The following SKAP2 variants were observed in gnomAD, a reference collection of about 807,000 sequenced individuals.
SKAP2 encodes src kinase associated phosphoprotein 2, also known as src kinase-associated phosphoprotein 2.
SKAP2 carries 28 observed loss-of-function variants against 54.9 expected under a neutral mutation model. The ratio of observed to expected loss-of-function variants is 0.51; its 90% CI spans 0.38 to 0.70. The LOEUF is 0.70. Among genes scored for constraint, SKAP2 ranks in the 30% least tolerant of loss-of-function variants. SKAP2 has a pLI of 0.00. For missense variants in SKAP2, 356 were observed against 424.1 expected (o/e 0.84, Z 1.41); for synonymous variants, 137 against 134.3 (o/e 1.02, Z -0.14).
intron 11 of SKAP2, 24 bp downstream of exon 11, chr7:26,684,712 C>T (rs757218174): frequency 1.1e-5 from 16 of 1,452,872 alleles, no homozygotes; most frequent in South Asian, 9.2e-5. Context: ...TCTTTACAAA[C>T]GTCATTTTGG....
chr7:26,657,766 A>G, the SKAP2 span, among the ~76,000 whole-genome samples: 1 of 117,636 alleles, frequency 8.5e-6, no homozygotes, highest in Non-Finnish European at 1.7e-5. Flanking sequence ...GCACTGACAC[A>G]CACTTTGCCA....
intron 9 of SKAP2, among the ~76,000 whole-genome samples, chr7:26,720,081 C>CAA (rs1247280079): frequency 2.6e-5 from 4 of 151,670 alleles, no homozygotes; most frequent in African/African-American, 9.7e-5. Context: ...CACACACACA[C>CAA]ACACACACAC....
At chr7:26,692,009 G>A (rs1786794669) in intron 9 of SKAP2, among the ~76,000 whole-genome samples, 1 of 152,092 alleles carries the variant, frequency 6.6e-6, no homozygotes, top group Non-Finnish European at 1.5e-5. Context: ...CTGAAGCTAT[G>A]CTTCAGGAAT....
chr7:26,739,550 C>T (rs1283459927), intron 5 of SKAP2, among the ~76,000 whole-genome samples: 1 of 152,186 alleles, frequency 6.6e-6, no homozygotes, highest in Non-Finnish European at 1.5e-5. Context: ...CATAGGAGAA[C>T]CTGCTGCTCA....
chr7:26,832,942 G>C (rs939295862), intron 4 of SKAP2, among the ~76,000 whole-genome samples: 2 of 152,128 alleles, frequency 1.3e-5, no homozygotes, highest in African/African-American at 4.8e-5. Context: ...AAAGCAGCTG[G>C]CAGTAAAGGC....
chr7:26,691,907 AGG>A (rs201980270), intron 9 of SKAP2, among the ~76,000 whole-genome samples: 1,630 of 152,272 alleles, frequency 0.011, 29 homozygotes, highest in African/African-American at 0.038. Flanking sequence ...CCAGCTGTTG[AGG>A]GGCCATGAAC....
intron 9 of SKAP2, among the ~76,000 whole-genome samples, chr7:26,704,164 T>C (rs1217153081): frequency 6.6e-6 from 1 of 152,212 alleles, no homozygotes; most frequent in Non-Finnish European, 1.5e-5. Flanking sequence ...TAGTGTACAC[T>C]GCTGAAAAAA....
rs1786153853 is a variant in SKAP2 at position 26,668,390 on chromosome 7, T to TA, written c.*1275_*1276insT. 1 of 152,164 alleles carries TA rather than the reference T, an allele frequency of 6.6e-6. No individual in the cohort carries two copies. The highest frequency in any genetic ancestry group is 1.5e-5 in the Non-Finnish European group (1 of 68,026). 9.4% of individuals were successfully genotyped at this position (152,164 alleles called of 1,614,324 possible). The stretch of plus-strand genomic sequence containing the variant: ...ATTTCAAATATACATGAAAAGGTAA[T>TA]TATATGATTCTACAAATCTTGCTCA... On this transcript the variant is annotated 3_prime_UTR_variant, in exon 13 of 13. Coordinates refer to ENST00000345317, the MANE Select transcript of SKAP2 (RefSeq NM_003930.5).
chr7:26,845,144 G>A (rs1398450595), intron 3 of SKAP2, among the ~76,000 whole-genome samples: 1 of 152,078 alleles, frequency 6.6e-6, no homozygotes, highest in African/African-American at 2.4e-5. Context: ...TAAAGCACAA[G>A]GAAAATCCCC....
At chr7:26,785,443 C>A (rs1783525072) in intron 4 of SKAP2, among the ~76,000 whole-genome samples, 1 of 152,168 alleles carries the variant, frequency 6.6e-6, no homozygotes, top group Non-Finnish European at 1.5e-5. Context: ...GCCTCGGCCT[C>A]CCAAAGTGCT....
At chr7:26,754,462 CA>C (rs1782748159) in intron 4 of SKAP2, among the ~76,000 whole-genome samples, 1 of 150,402 alleles carries the variant, frequency 6.6e-6, no homozygotes, top group African/African-American at 2.4e-5. Flanking sequence ...AGCAAGACAT[CA>C]AAAGGCAATT....
chr7:26,793,022 G>T (rs956014850), intron 4 of SKAP2, among the ~76,000 whole-genome samples: 4 of 152,074 alleles, frequency 2.6e-5, no homozygotes, highest in African/African-American at 7.2e-5. Context: ...TTTAAGAAAC[G>T]AATTCTTTTC....
chr7:26,698,475 G>A (rs1786946503), intron 9 of SKAP2, among the ~76,000 whole-genome samples: 1 of 152,170 alleles, frequency 6.6e-6, no homozygotes, highest in Admixed American at 6.6e-5. Flanking sequence ...AACTTAGACT[G>A]CCCTGCACTG....
chr7:26,725,727 AT>A (rs1787691813), intron 8 of SKAP2, among the ~76,000 whole-genome samples, 162 bp from the exon 9 acceptor site: 1 of 152,186 alleles, frequency 6.6e-6, no homozygotes, highest in African/African-American at 2.4e-5. Flanking sequence ...AAATATGTGA[AT>A]TTTAAAGTAA....
chr7:26,761,610 T>C (rs1270734101), intron 4 of SKAP2, among the ~76,000 whole-genome samples: 5 of 152,290 alleles, frequency 3.3e-5, no homozygotes, highest in African/African-American at 1.2e-4. Context: ...TAGGGCAATA[T>C]TATAGGCGAG....
intron 4 of SKAP2, among the ~76,000 whole-genome samples, chr7:26,819,013 G>A (rs566063617): frequency 2.4e-4 from 37 of 152,266 alleles, no homozygotes; most frequent in Admixed American, 1.2e-3. Flanking sequence ...AGACAGTATG[G>A]CAATTCCTCA....
intron 4 of SKAP2, among the ~76,000 whole-genome samples, chr7:26,741,499 A>G (rs889429891): frequency 1.3e-5 from 2 of 152,008 alleles, no homozygotes; most frequent in Non-Finnish European, 2.9e-5. Flanking sequence ...TGATTGTGCC[A>G]CTGCGCTCCA....
chr7:26,720,032 T>C (rs1243170764), intron 9 of SKAP2, among the ~76,000 whole-genome samples: 2 of 148,444 alleles, frequency 1.3e-5, no homozygotes, highest in East Asian at 2.0e-4. Flanking sequence ...TCCTTGGCCC[T>C]TACCCACCAC....
intron 4 of SKAP2, among the ~76,000 whole-genome samples, chr7:26,750,190 T>C (rs371732563): frequency 7.5e-4 from 114 of 152,250 alleles, no homozygotes; most frequent in Admixed American, 2.1e-3. Flanking sequence ...GAATTACTTT[T>C]CTATGGCATT....
Sources: allele counts gnomAD v4.1 joint callset (sites outside exome capture counted in the v4.1 genomes callset), GRCh38; gene constraint gnomAD v4.1.1; transcripts MANE v1.5; gene names NCBI Gene and HGNC (gene_info 2026-07-23, HGNC 2026-07-21).